Variants in CERS5 observed in about 807,000 individuals in gnomAD.
The protein encoded by CERS5 is LAG1 homolog, ceramide synthase 5.
Under a neutral mutation model 58.9 loss-of-function variants are expected in CERS5, and 37 were observed. That is an observed-to-expected ratio of 0.63 (90% CI 0.48 to 0.83). The LOEUF is 0.83. CERS5 is among the 40% of genes least tolerant of loss of function. CERS5 has a pLI of 0.00. For synonymous variants in CERS5, 147 were observed against 177.8 expected, an observed-to-expected ratio of 0.83 and a Z score of 1.38; for missense variants, 398 against 489.3, an observed-to-expected ratio of 0.81 and a Z score of 1.76.
intron 8 of CERS5, chr12:50,135,345 G>C: frequency 2.7e-6 from 1 of 368,650 alleles, no homozygotes; most frequent in Non-Finnish European, 5.2e-6. Flanking sequence ...GTGTGTGTGT[G>C]TGTGTCAGGG....
At chr12:50,145,355 C>G (rs191874252) in intron 1 of CERS5, among the ~76,000 whole-genome samples, 1 of 152,068 alleles carries the variant, frequency 6.6e-6, no homozygotes, top group East Asian at 1.9e-4. Flanking sequence ...TTAAGAACAT[C>G]AGCACTAGGA....
chr12:50,153,977 A>G (rs1433908514), intron 1 of CERS5: 4 of 305,660 alleles, frequency 1.3e-5, no homozygotes, highest in African/African-American at 2.3e-5. Context: ...ACAAAACACA[A>G]TGAACATAGA....
intron 9 of CERS5, 46 bp downstream of exon 9, chr12:50,134,500 C>T: frequency 6.2e-7 from 1 of 1,613,746 alleles, no homozygotes; most frequent in South Asian, 1.1e-5. Flanking sequence ...GTTGAGTAAT[C>T]CCTATCTTCC....
chr12:50,141,550 TA>T (rs1346189749), intron 4 of CERS5, among the ~76,000 whole-genome samples: 1 of 152,144 alleles, frequency 6.6e-6, no homozygotes, highest in Non-Finnish European at 1.5e-5. Context: ...GTTATAAAGT[TA>T]CTGAAGTCAG....
intron 1 of CERS5, 45 bp from the exon 2 acceptor site, chr12:50,144,102 T>G: frequency 9.3e-7 from 1 of 1,074,086 alleles, no homozygotes; most frequent in Non-Finnish European, 1.4e-6. Context: ...TAAAAAAATT[T>G]TATTTATAGT....
chr12:50,165,269 A>G (rs1191626019), intron 1 of CERS5: 1 of 152,100 alleles, frequency 6.6e-6, no homozygotes, highest in Non-Finnish European at 1.5e-5. Context: ...AATACAAAAA[A>G]TTAGCCGGAC....
At position 50,148,904 on chromosome 12, in the gene CERS5, C is replaced by CA. The variant is rs71083511; in HGVS notation, c.198-4848dup. ...GGGGTGACGGAGCGAGACTCCATCT[C>CA]AAAAAAAAAAAAAAAAAAAAAAAAT... On this transcript the variant is annotated intron_variant, in intron 1 of 9. Transcript: ENST00000317551. 2.7e-3 allele frequency among the ~76,000 whole-genome samples: 194 copies of CA among 72,016 alleles called. 2 individuals carry two copies. The highest frequency in any genetic ancestry group is 3.3e-3 in the Non-Finnish European group (136 of 40,892). 47.2% of individuals were successfully genotyped at this position (72,016 alleles called of 152,430 possible).
At chr12:50,165,646 G>C (rs1939805410) in intron 1 of CERS5, 1 of 177,664 alleles carries the variant, frequency 5.6e-6, no homozygotes, top group Non-Finnish European at 1.2e-5. Flanking sequence ...AAAGACTTGA[G>C]TCAAAAACAG....
chr12:50,140,843 T>C (rs1951934541), intron 4 of CERS5, among the ~76,000 whole-genome samples: 1 of 151,586 alleles, frequency 6.6e-6, no homozygotes, highest in Admixed American at 6.6e-5. Flanking sequence ...TTAGTGATTT[T>C]TTTTTTTTTT....
At chr12:50,161,784 G>GAAAAAAAAAAGAAAAAAAAAAAAAA (rs1939296391) in intron 1 of CERS5, among the ~76,000 whole-genome samples, 1 of 90,858 alleles carries the variant, frequency 1.1e-5, no homozygotes, top group Non-Finnish European at 1.9e-5. Flanking sequence ...CTCAAAAAAA[G>GAAAAAAAAAAGAAAAAAAAAAAAAA]AAAAAAAAAA....
At chr12:50,162,192 T>A (rs1217966170) in intron 1 of CERS5, among the ~76,000 whole-genome samples, 2 of 69,988 alleles carry the variant, frequency 2.9e-5, no homozygotes, top group African/African-American at 5.1e-5. Context: ...TTCTTTTTTT[T>A]TTTTTTTTTT....
intron 1 of CERS5, chr12:50,154,344 C>G (rs1345242820): frequency 6.0e-6 from 1 of 167,876 alleles, no homozygotes; most frequent in Non-Finnish European, 1.3e-5. Context: ...AAGACTCCGT[C>G]TCAAAACAAG....
chr12:50,161,028 G>C (rs1256547747), intron 1 of CERS5, among the ~76,000 whole-genome samples: 1 of 152,148 alleles, frequency 6.6e-6, no homozygotes, highest in Non-Finnish European at 1.5e-5. Flanking sequence ...TGAATAATTA[G>C]ATTCTGGGTT....
At chr12:50,165,824 G>A in intron 1 of CERS5, 1 of 367,326 alleles carries the variant, frequency 2.7e-6, no homozygotes, top group Admixed American at 3.4e-5. Context: ...CTCATTACCT[G>A]AGGCCTATGG....
chr12:50,153,466 G>A (rs982008963), intron 1 of CERS5, among the ~76,000 whole-genome samples: 4 of 151,422 alleles, frequency 2.6e-5, no homozygotes, highest in Admixed American at 6.6e-5. Context: ...TTTTAGTAGA[G>A]ACGGGGTTTC....
intron 1 of CERS5, among the ~76,000 whole-genome samples, chr12:50,146,943 G>A (rs374013070): frequency 4.6e-5 from 7 of 151,534 alleles, no homozygotes; most frequent in African/African-American, 1.7e-4. Flanking sequence ...AGATGTGATT[G>A]GAAAATAATC....
At chr12:50,148,481 C>T in intron 1 of CERS5, 1 of 278,422 alleles carries the variant, frequency 3.6e-6, no homozygotes, top group Admixed American at 4.2e-5. Flanking sequence ...CCTGTAGTCC[C>T]AGCTGCTCAG....
At chr12:50,142,264 A>C (rs537869084) in intron 3 of CERS5, among the ~76,000 whole-genome samples, 154 bp from the exon 4 acceptor site, 1 of 152,244 alleles carries the variant, frequency 6.6e-6, no homozygotes, top group South Asian at 2.1e-4. Context: ...TTAAAAAGCC[A>C]AAGACAGGGG....
At chr12:50,156,550 A>G (rs1213731722) in intron 1 of CERS5, among the ~76,000 whole-genome samples, 1 of 151,098 alleles carries the variant, frequency 6.6e-6, no homozygotes, top group Non-Finnish European at 1.5e-5. Flanking sequence ...AGTCATGATC[A>G]TGCCATTGCA....
Sources: allele counts gnomAD v4.1 joint callset (sites outside exome capture counted in the v4.1 genomes callset), GRCh38; gene constraint gnomAD v4.1.1; transcripts MANE v1.5; gene names NCBI Gene and HGNC (gene_info 2026-07-23, HGNC 2026-07-21).